Variants in NELL1 observed in about 807,000 individuals in gnomAD.
NELL1 encodes the protein neural EGFL like 1.
In NELL1, 76 loss-of-function variants were observed where a neutral mutation model predicts 107.4. The observed-to-expected ratio is 0.71, with a 90% CI of 0.59 to 0.86. The LOEUF is 0.86. NELL1 is among the 40% of genes least tolerant of loss of function. NELL1 has a pLI of 0.00. For synonymous variants in NELL1, 353 were observed against 341.2 expected (o/e 1.03, Z -0.38); for missense variants, 1,024 against 1,005.5 (o/e 1.02, Z -0.25).
chr11:20,744,408 T>G (rs1855957271), intron 2 of NELL1, among the ~76,000 whole-genome samples: 1 of 152,260 alleles, frequency 6.6e-6, no homozygotes, highest in Admixed American at 6.5e-5. Flanking sequence ...ATCAGTCAGC[T>G]ATTGCTGTAT....
At chr11:20,739,319 C>T (rs1432936630) in intron 2 of NELL1, among the ~76,000 whole-genome samples, 1 of 152,202 alleles carries the variant, frequency 6.6e-6, no homozygotes, top group African/African-American at 2.4e-5. Context: ...AATGATGAAC[C>T]GTCAATGTTA....
At chr11:21,285,383 A>C (rs4923513) in intron 14 of NELL1, among the ~76,000 whole-genome samples, 4,259 of 152,304 alleles carry the variant, frequency 0.028, 82 homozygotes, top group East Asian at 0.071. Context: ...TTCTCTCTAG[A>C]GGTCGTTAAT....
intron 12 of NELL1, among the ~76,000 whole-genome samples, chr11:21,078,896 C>A (rs919127959): frequency 6.6e-6 from 1 of 151,900 alleles, no homozygotes; most frequent in Non-Finnish European, 1.5e-5. Context: ...GGGCAGCCTA[C>A]AATATAGAAT....
chr11:20,849,352 T>C (rs1402271671), intron 4 of NELL1, among the ~76,000 whole-genome samples: 2 of 152,228 alleles, frequency 1.3e-5, no homozygotes, highest in Non-Finnish European at 2.9e-5. Context: ...GGAGCAGTTC[T>C]TAGGTGGTGC....
At chr11:21,046,208 TAAG>T (rs756042426) in intron 12 of NELL1, among the ~76,000 whole-genome samples, 16 of 152,190 alleles carry the variant, frequency 1.1e-4, no homozygotes, top group East Asian at 3.8e-4. Flanking sequence ...TTTGAGATAA[TAAG>T]AAGAATATTT....
chr11:21,356,181 T>C (rs1850929389), intron 14 of NELL1, among the ~76,000 whole-genome samples: 1 of 152,180 alleles, frequency 6.6e-6, no homozygotes, highest in African/African-American at 2.4e-5. Flanking sequence ...AATATAAACA[T>C]TTATTTATTC....
intron 5 of NELL1, among the ~76,000 whole-genome samples, chr11:20,914,456 A>G (rs1017539417): frequency 6.6e-6 from 1 of 152,106 alleles, no homozygotes; most frequent in Non-Finnish European, 1.5e-5. Flanking sequence ...CTGGGTTCTG[A>G]TAAGGGGTTG....
chr11:20,805,568 G>A (rs1857365138), intron 3 of NELL1, among the ~76,000 whole-genome samples: 1 of 152,118 alleles, frequency 6.6e-6, no homozygotes, highest in Non-Finnish European at 1.5e-5. Context: ...TACCCAGGCT[G>A]GGGTGCAGTG....
chr11:20,962,796 T>C (rs572165776), intron 12 of NELL1, among the ~76,000 whole-genome samples: 2 of 152,190 alleles, frequency 1.3e-5, no homozygotes, highest in African/African-American at 2.4e-5. Context: ...CTATTGCGGT[T>C]GGGTAATGGC....
intron 15 of NELL1, among the ~76,000 whole-genome samples, chr11:21,519,545 G>T (rs202077349): frequency 4.2e-4 from 62 of 147,126 alleles, no homozygotes; most frequent in African/African-American, 1.4e-3. Flanking sequence ...TTTGTTTTTT[G>T]TTTTTTTTTT....
intron 3 of NELL1, among the ~76,000 whole-genome samples, chr11:20,839,730 G>C (rs1848589707): frequency 1.3e-5 from 2 of 152,206 alleles, no homozygotes; most frequent in Admixed American, 6.5e-5. Flanking sequence ...TTGATCACAA[G>C]ATATCTGGGT....
intron 2 of NELL1, among the ~76,000 whole-genome samples, chr11:20,690,707 C>A (rs921949629): frequency 5.3e-5 from 8 of 152,030 alleles, no homozygotes; most frequent in East Asian, 1.9e-4. Flanking sequence ...AGTTTGAAGT[C>A]AGGTAGCATG....
At chr11:21,370,803 T>C in intron 14 of NELL1, 50 bp from the exon 15 acceptor site, 2 of 1,450,520 alleles carry the variant, frequency 1.4e-6, no homozygotes, top group East Asian at 2.3e-5. Context: ...TTACCGTGAA[T>C]TTATCTATTG....
rs1591048242 is a variant in NELL1, at chr11:21,573,381, G to T, written c.2354G>T (p.Gly785Val). The change falls in exon 19 of 20, where the codon GGA (glycine) becomes GTA (valine). Residue 785 changes from glycine to valine, a missense_variant. Physicochemically the swap from Gly to Val is moderately radical, Grantham distance 109 (BLOSUM62 -3). Transcript: ENST00000357134. ...RLSGSVWTMA[G>V]SPCTTCKCKN... ...AGTGGCTCAGTGTGGACGATGGCTGGATCTCCCTGCACAACCTGTAAATGC... is the reference window on the plus strand; with the variant it reads ...AGTGGCTCAGTGTGGACGATGGCTGTATCTCCCTGCACAACCTGTAAATGC... 1 of 1,611,998 alleles carries T rather than the reference G, an allele frequency of 6.2e-7. No homozygotes were observed. The highest frequency in any genetic ancestry group is 8.5e-7 in the Non-Finnish European group (1 of 1,178,870).
chr11:21,559,455 G>T (rs1351110418), intron 16 of NELL1, among the ~76,000 whole-genome samples: 1 of 152,090 alleles, frequency 6.6e-6, no homozygotes, highest in Non-Finnish European at 1.5e-5. Flanking sequence ...TTAAATGTCA[G>T]AATCGGCCGA....
At chr11:21,183,689 T>C (rs1450092323) in intron 13 of NELL1, among the ~76,000 whole-genome samples, 2 of 151,842 alleles carry the variant, frequency 1.3e-5, no homozygotes, top group Non-Finnish European at 1.5e-5. Flanking sequence ...GATGGCAGCA[T>C]TTTGATCCCC....
At chr11:20,834,103 C>T (rs947998878) in intron 3 of NELL1, among the ~76,000 whole-genome samples, 3 of 152,034 alleles carry the variant, frequency 2.0e-5, no homozygotes, top group African/African-American at 4.8e-5. Context: ...AATGGGCCGG[C>T]GTGGATTCGG....
At chr11:21,489,189 T>C (rs1187810469) in intron 15 of NELL1, among the ~76,000 whole-genome samples, 1 of 151,234 alleles carries the variant, frequency 6.6e-6, no homozygotes, top group African/African-American at 2.4e-5. Context: ...AGGAAATGGA[T>C]AAATTCCTGG....
intron 13 of NELL1, among the ~76,000 whole-genome samples, chr11:21,200,978 C>T (rs913215525): frequency 1.1e-4 from 17 of 152,076 alleles, no homozygotes; most frequent in African/African-American, 4.1e-4. Flanking sequence ...CTGTTCTGTT[C>T]CATTGGTCTA....
Sources: allele counts gnomAD v4.1 joint callset (sites outside exome capture counted in the v4.1 genomes callset), GRCh38; gene constraint gnomAD v4.1.1; transcripts MANE v1.5; gene names NCBI Gene and HGNC (gene_info 2026-07-23, HGNC 2026-07-21).